The following GABBR2 variants were observed in gnomAD, a reference collection of about 807,000 sequenced individuals.
GABBR2 encodes G-protein coupled receptor 51.
A neutral mutation model predicts 105.6 loss-of-function variants in GABBR2; 23 were observed. The observed-to-expected ratio is 0.22, with a 90% CI of 0.16 to 0.31. GABBR2 has a LOEUF of 0.31. Among genes scored for constraint, GABBR2 ranks in the 10% least tolerant of loss-of-function variants. The pLI is 1.00. For missense variants in GABBR2, 734 were observed against 1,245.5 expected, an observed-to-expected ratio of 0.59 and a Z score of 6.18; for synonymous variants, 478 against 499.7, an observed-to-expected ratio of 0.96 and a Z score of 0.58.
chr9:98,493,574 C>T (rs538203911), intron 4 of GABBR2, among the ~76,000 whole-genome samples: 3 of 152,256 alleles, frequency 2.0e-5, no homozygotes, highest in East Asian at 1.9e-4. Flanking sequence ...TTATATTTCT[C>T]GGCTTTAATT....
intron 13 of GABBR2, among the ~76,000 whole-genome samples, chr9:98,359,695 C>T (rs1288208225): frequency 6.6e-6 from 1 of 152,152 alleles, no homozygotes; most frequent in Admixed American, 6.5e-5. Flanking sequence ...TAGTCTGCTC[C>T]CTGATTTGCC....
intron 3 of GABBR2, 75 bp from the exon 4 acceptor site, chr9:98,496,589 G>A (rs1332046474): frequency 5.1e-6 from 5 of 982,146 alleles, no homozygotes; most frequent in African/African-American, 1.6e-5. Context: ...GGTCACCCTG[G>A]GGAAGTCAAT....
At chr9:98,558,941 A>G (rs115738409) in intron 2 of GABBR2, among the ~76,000 whole-genome samples, 3 of 152,312 alleles carry the variant, frequency 2.0e-5, no homozygotes, top group African/African-American at 7.2e-5. Flanking sequence ...TTTATTACAA[A>G]GAAGCTCTTT....
At chr9:98,612,187 C>T (rs1209097321) in intron 1 of GABBR2, among the ~76,000 whole-genome samples, 1 of 152,222 alleles carries the variant, frequency 6.6e-6, no homozygotes, top group Non-Finnish European at 1.5e-5. Context: ...GCCTGCACAG[C>T]TCTGAGGGGC....
At chr9:98,517,314 T>G (rs558802784) in intron 3 of GABBR2, among the ~76,000 whole-genome samples, 166 of 152,292 alleles carry the variant, frequency 1.1e-3, no homozygotes, top group South Asian at 1.9e-3. Flanking sequence ...CAGTCCCACC[T>G]TTCCCACCCC....
chr9:98,646,895 G>A (rs1429324483), intron 1 of GABBR2, among the ~76,000 whole-genome samples: 1 of 152,100 alleles, frequency 6.6e-6, no homozygotes, highest in African/African-American at 2.4e-5. Flanking sequence ...CAGCAATGTG[G>A]TTTTACTTAC....
At chr9:98,654,763 T>A in intron 1 of GABBR2, among the ~76,000 whole-genome samples, 1 of 151,012 alleles carries the variant, frequency 6.6e-6, no homozygotes, top group Non-Finnish European at 1.5e-5. Context: ...CCCAAAGGAG[T>A]TGAAAACTTA....
At chr9:98,571,548 AATACAG>A (rs1408101219) in intron 2 of GABBR2, among the ~76,000 whole-genome samples, 1 of 152,160 alleles carries the variant, frequency 6.6e-6, no homozygotes, top group Non-Finnish European at 1.5e-5. Flanking sequence ...ATCAGCGGGG[AATACAG>A]TCCTAGAGGG....
chr9:98,693,840 G>A (rs1227367848), intron 1 of GABBR2, among the ~76,000 whole-genome samples: 1 of 152,232 alleles, frequency 6.6e-6, no homozygotes, highest in Non-Finnish European at 1.5e-5. Context: ...GTGGACACAA[G>A]GTTGGAATTA....
intron 7 of GABBR2, among the ~76,000 whole-genome samples, chr9:98,410,528 CCTCTG>C (rs1332236285): frequency 1.9e-5 from 2 of 106,102 alleles, no homozygotes; most frequent in Non-Finnish European, 3.8e-5. Context: ...TTTTTTTCTT[CCTCTG>C]CTCTGGTTGC....
At chr9:98,572,897 G>A (rs1228383772) in intron 2 of GABBR2, among the ~76,000 whole-genome samples, 2 of 152,156 alleles carry the variant, frequency 1.3e-5, no homozygotes, top group South Asian at 2.1e-4. Flanking sequence ...AGTTGCAGCC[G>A]TTGATCCAGC....
intron 12 of GABBR2, among the ~76,000 whole-genome samples, chr9:98,368,429 C>A (rs988947749): frequency 6.6e-6 from 1 of 152,144 alleles, no homozygotes; most frequent in African/African-American, 2.4e-5. Flanking sequence ...AGCCTGAGCT[C>A]TCAGAGTTGG....
At chr9:98,613,620 C>T (rs1421720354) in intron 1 of GABBR2, among the ~76,000 whole-genome samples, 2 of 152,218 alleles carry the variant, frequency 1.3e-5, no homozygotes, top group East Asian at 3.8e-4. Flanking sequence ...GGATGGACAG[C>T]AGACATCTCT....
At chr9:98,505,214 A>T (rs987692720) in intron 3 of GABBR2, among the ~76,000 whole-genome samples, 1 of 152,250 alleles carries the variant, frequency 6.6e-6, no homozygotes, top group African/African-American at 2.4e-5. Flanking sequence ...ATGTGCATTC[A>T]TTAAGAGAGC....
intron 1 of GABBR2, among the ~76,000 whole-genome samples, chr9:98,596,071 G>C (rs948379710): frequency 6.6e-6 from 1 of 152,228 alleles, no homozygotes; most frequent in African/African-American, 2.4e-5. Flanking sequence ...TGGAGACCCT[G>C]TCTCCTACAT....
At chr9:98,600,707 G>A (rs889356929) in intron 1 of GABBR2, among the ~76,000 whole-genome samples, 2 of 152,202 alleles carry the variant, frequency 1.3e-5, no homozygotes, top group African/African-American at 2.4e-5. Context: ...ACTGGGAGCC[G>A]TCCAAGACTC....
chr9:98,591,365 G>A lies in GABBR2; in HGVS notation c.322-13293C>T, dbSNP rs370857966. 4.9e-4 allele frequency among the ~76,000 whole-genome samples: 74 copies of A among 152,346 alleles called. 4 individuals are homozygous for A. The South Asian group carries it at 0.015, about 32-fold the overall frequency. Reference sequence around the variant, plus strand: ...GATGGGTGGGTTCGGACTGGCTTGAGCCAGTGCGTCGGGAACACTGAACAC... The same window carrying A: ...GATGGGTGGGTTCGGACTGGCTTGAACCAGTGCGTCGGGAACACTGAACAC... On this transcript the variant is annotated intron_variant, in intron 1 of 18. Coordinates refer to ENST00000259455, the MANE Select transcript of GABBR2 (RefSeq NM_005458.8).
At chr9:98,312,011 A>G (rs1307236621) in intron 13 of GABBR2, among the ~76,000 whole-genome samples, 2 of 152,254 alleles carry the variant, frequency 1.3e-5, no homozygotes, top group Non-Finnish European at 2.9e-5. Flanking sequence ...TTTCTGAACC[A>G]TTTGAGAGTA....
In GABBR2 at chr9:98,654,596, A is replaced by C. The variant is rs35970652; in HGVS notation, c.321+53821T>G. On this transcript the variant is annotated intron_variant, in intron 1 of 18. Transcript: ENST00000259455. ...TTAGAGGACATGCAACGACAAGAAG[A>C]TCTGAAGGGGCGAGGCAGACATCCT... 9.8e-3 allele frequency among the ~76,000 whole-genome samples: 1,498 copies of C among 152,330 alleles called. 11 individuals carry two copies. The highest frequency in any genetic ancestry group is 0.017 in the Middle Eastern group (5 of 294).
Sources: allele counts gnomAD v4.1 joint callset (sites outside exome capture counted in the v4.1 genomes callset), GRCh38; gene constraint gnomAD v4.1.1; transcripts MANE v1.5; gene names NCBI Gene and HGNC (gene_info 2026-07-23, HGNC 2026-07-21).